The following ARHGEF10 variants were observed in gnomAD, a reference collection of about 807,000 sequenced individuals.
ARHGEF10 encodes Rho guanine nucleotide exchange factor (GEF) 10.
In ARHGEF10, 140 loss-of-function variants were observed where a neutral mutation model predicts 147.4. The observed-to-expected ratio is 0.95, with a 90% confidence interval of 0.83 to 1.09. The LOEUF (loss-of-function observed/expected upper bound fraction) is 1.09. Among genes scored for constraint, ARHGEF10 ranks in the 50% least tolerant of loss-of-function variants. ARHGEF10 has a pLI of 0.00. For synonymous variants in ARHGEF10, 902 were observed against 695.8 expected, an observed-to-expected ratio of 1.30 and a Z score of -4.67; for missense variants, 2,222 against 1,752.7, an observed-to-expected ratio of 1.27 and a Z score of -4.78.
chr8:1,946,642 C>T (rs1554516715), intron 27 of ARHGEF10, among the ~76,000 whole-genome samples: 1 of 152,216 alleles, frequency 6.6e-6, no homozygotes, highest in Non-Finnish European at 1.5e-5. Flanking sequence ...TCGCACCATC[C>T]CACTGCGGGC....
Position 1,845,825 on chromosome 8 carries a change from G to A in ARHGEF10, c.37+2389G>A, listed in dbSNP as rs1020092347. Among the ~76,000 whole-genome samples the A allele has an allele frequency of 2.6e-5, 4 of 152,296 alleles. No individual in the cohort carries two copies. The East Asian group carries it at 5.8e-4, about 22-fold the overall frequency. On this transcript the variant is annotated intron_variant, in intron 2 of 28. Coordinates refer to ENST00000349830, the MANE Select transcript of ARHGEF10 (RefSeq NM_014629.4). ...GGGCCCATAGGACTCCACTTTGTGT[G>A]TAGTTGTGCTAATCAGAGATGTGGC... is the stretch of plus-strand genomic sequence containing the variant.
chr8:1,904,558 T>C (rs1810731636), intron 16 of ARHGEF10, among the ~76,000 whole-genome samples: 1 of 152,216 alleles, frequency 6.6e-6, no homozygotes, highest in Non-Finnish European at 1.5e-5. Context: ...TTGACATGGT[T>C]CATGTTATTT....
chr8:1,839,089 T>A (rs1803767370), intron 1 of ARHGEF10, among the ~76,000 whole-genome samples: 1 of 151,648 alleles, frequency 6.6e-6, no homozygotes, highest in Non-Finnish European at 1.5e-5. Flanking sequence ...GTGTGGAAGC[T>A]GTCTGGTGTG....
intron 18 of ARHGEF10, 73 bp downstream of exon 18, chr8:1,909,543 C>A: frequency 6.3e-7 from 1 of 1,579,094 alleles, no homozygotes; most frequent in African/African-American, 1.3e-5. Flanking sequence ...GCTGTGGGGC[C>A]AGCGTAAGCT....
At position 1,824,096 on chromosome 8, in the gene ARHGEF10, C is replaced by T. The variant is rs1339295485; in HGVS notation, c.-65C>T. ...CGGGGAACAGCAGGGGACTGCGGGT[C>T]GCGTCCTGGCCGCCGAGGTGAGTGC... On this transcript the variant is annotated 5_prime_UTR_variant, in exon 1 of 29. Coordinates refer to ENST00000349830, the MANE Select transcript of ARHGEF10 (RefSeq NM_014629.4). 2.7e-5 allele frequency: 4 copies of T among 150,840 alleles called. No individual in the cohort carries two copies. The highest frequency in any genetic ancestry group is 7.4e-5 in the African/African-American group (3 of 40,804). The allele number at this position is 150,840 out of a possible 1,614,324, so 9.3% of individuals were successfully genotyped here. A position where few individuals can be genotyped will look rare whatever the true frequency, so the allele number is the denominator to read the frequency against.
At chr8:1,892,552 C>A (rs574734613) in intron 11 of ARHGEF10, among the ~76,000 whole-genome samples, 1 of 151,896 alleles carries the variant, frequency 6.6e-6, no homozygotes, top group South Asian at 2.1e-4. Flanking sequence ...TGCTCTTTGC[C>A]CGCTAGGTGG....
intron 3 of ARHGEF10, among the ~76,000 whole-genome samples, chr8:1,858,563 C>G (rs1805796718): frequency 6.6e-6 from 1 of 152,178 alleles, no homozygotes; most frequent in Non-Finnish European, 1.5e-5. Context: ...CATTGTATCA[C>G]TAGATTAAAA....
intron 2 of ARHGEF10, among the ~76,000 whole-genome samples, chr8:1,847,745 A>C (rs1804670189): frequency 6.6e-6 from 1 of 152,232 alleles, no homozygotes; most frequent in Non-Finnish European, 1.5e-5. Context: ...TGCTTTTTAA[A>C]GGACTTTTCT....
chr8:1,918,587 T>G (rs1811941771), intron 18 of ARHGEF10, among the ~76,000 whole-genome samples: 2 of 152,202 alleles, frequency 1.3e-5, no homozygotes, highest in Admixed American at 6.5e-5. Context: ...GAAATATGTA[T>G]ACATTGTGGA....
intron 1 of ARHGEF10, among the ~76,000 whole-genome samples, chr8:1,833,053 CAGAG>C (rs1262110191): frequency 0.17 from 1,301 of 7,774 alleles, 7 homozygotes; most frequent in Non-Finnish European, 0.19. Flanking sequence ...GAGACAGAGG[CAGAG>C]AGAGACAGAG....
At chr8:1,921,072 C>T (rs1585545926) in intron 18 of ARHGEF10, among the ~76,000 whole-genome samples, 1 of 152,186 alleles carries the variant, frequency 6.6e-6, no homozygotes, top group Non-Finnish European at 1.5e-5. Flanking sequence ...AGGAGTGAGC[C>T]ACTATGCCTG....
intron 1 of ARHGEF10, among the ~76,000 whole-genome samples, chr8:1,833,256 ACAGAGG>A (rs1412980495): frequency 4.0e-5 from 6 of 150,178 alleles, no homozygotes; most frequent in Admixed American, 6.6e-5. Context: ...AGAGGCCGAG[ACAGAGG>A]CAGAGGCAGA....
At chr8:1,932,271 G>GA (rs1813207554) in intron 25 of ARHGEF10, among the ~76,000 whole-genome samples, 1 of 151,930 alleles carries the variant, frequency 6.6e-6, no homozygotes, top group Admixed American at 6.6e-5. Flanking sequence ...GAGTGTGAGG[G>GA]GTGTGCATTG....
At chr8:1,826,991 G>A (rs545795312) in intron 1 of ARHGEF10, among the ~76,000 whole-genome samples, 1 of 152,330 alleles carries the variant, frequency 6.6e-6, no homozygotes, top group Non-Finnish European at 1.5e-5. Flanking sequence ...GGAAAGGGGT[G>A]GGCCAGGCCC....
chr8:1,952,688 C>G lies in ARHGEF10; in HGVS notation c.3398-17C>G, dbSNP rs373510960. The stretch of plus-strand genomic sequence containing the variant: ...TACACAAACCAGACCCGAAGCCACT[C>G]ATGTCTTTCCGCCCAGGGCACCAGC... On this transcript the variant is annotated splice_polypyrimidine_tract_variant and intron_variant, in intron 27 of 28. Coordinates refer to ENST00000349830, the MANE Select transcript of ARHGEF10 (RefSeq NM_014629.4). 2 of 1,613,184 alleles carry G rather than the reference C, an allele frequency of 1.2e-6. No individual in the cohort carries two copies. Among genetic ancestry groups the G allele is most frequent in the Non-Finnish European group, 1.7e-6 (2 of 1,180,038 alleles).
At chr8:1,869,861 CTT>C (rs1019602723) in intron 7 of ARHGEF10, 40 of 168,602 alleles carry the variant, frequency 2.4e-4, no homozygotes, top group Middle Eastern at 3.1e-3. Flanking sequence ...GGACGTGGCT[CTT>C]TTAACCTGAG....
chr8:1,905,045 A>G (rs1049935330), intron 16 of ARHGEF10, among the ~76,000 whole-genome samples: 7 of 152,166 alleles, frequency 4.6e-5, no homozygotes, highest in African/African-American at 1.4e-4. Flanking sequence ...ACGAGAATCA[A>G]TTGAACCCAG....
In ARHGEF10 at chr8:1,944,965, G is replaced by T. The variant is rs528883141; in HGVS notation, c.3223-516G>T. ...GCCGCTGGGATGCACTTTCGGAGCT[G>T]CGGGGCTGCAGCTGAGCCTGGAAGC... On this transcript the variant is annotated intron_variant, in intron 26 of 28. Coordinates refer to ENST00000349830, the MANE Select transcript of ARHGEF10 (RefSeq NM_014629.4). 5.9e-5 allele frequency among the ~76,000 whole-genome samples: 9 copies of T among 152,390 alleles called. No homozygotes were observed. The East Asian group carries it at 1.3e-3, about 23-fold the overall frequency.
intron 1 of ARHGEF10, among the ~76,000 whole-genome samples, chr8:1,834,903 C>G (rs1482251371): frequency 6.6e-6 from 1 of 152,244 alleles, no homozygotes; most frequent in Non-Finnish European, 1.5e-5. Flanking sequence ...CACCGGCCAC[C>G]CAGCAGCCGG....
Sources: gnomAD v4.1 joint callset for allele counts (sites outside exome capture counted in the v4.1 genomes callset) on GRCh38, gnomAD v4.1.1 for gene constraint, MANE v1.5 for transcripts, NCBI Gene and HGNC (gene_info 2026-07-23, HGNC 2026-07-21) for gene names.